The following GPR176 variants were observed in gnomAD, a reference collection of about 807,000 sequenced individuals.
The protein encoded by GPR176 is G protein-coupled receptor 176.
Under a neutral mutation model 35.4 loss-of-function variants are expected in GPR176, and 26 were observed. That is an observed-to-expected ratio of 0.74 (90% confidence interval 0.54 to 1.02). The LOEUF is 1.02. GPR176 is among the 50% of genes least tolerant of loss of function. The pLI is 0.00. For synonymous variants in GPR176, 278 were observed against 271.3 expected, an observed-to-expected ratio of 1.02 and a Z score of -0.24; for missense variants, 597 against 665.3, an observed-to-expected ratio of 0.90 and a Z score of 1.13.
intron 1 of GPR176, among the ~76,000 whole-genome samples, chr15:39,844,071 T>C (rs1263086921): frequency 6.6e-6 from 1 of 152,136 alleles, no homozygotes; most frequent in East Asian, 1.9e-4. Flanking sequence ...ATTAGTAGAA[T>C]AATATAAAAT....
chr15:39,857,695 G>A (rs1008484661), intron 1 of GPR176, among the ~76,000 whole-genome samples: 4 of 151,586 alleles, frequency 2.6e-5, no homozygotes, highest in African/African-American at 9.7e-5. Flanking sequence ...AGGGCAGGGC[G>A]CGGTGGCTTG....
At position 39,919,160 on chromosome 15, in the gene GPR176, T is replaced by A. The variant is rs74011703; in HGVS notation, c.172+695A>T. On this transcript the variant is annotated intron_variant, in intron 1 of 2. Coordinates refer to ENST00000561100, the MANE Select transcript of GPR176 (RefSeq NM_007223.3). ...ATATTTTACTAGCCACTCATTTTAA[T>A]TCGTTGATCTTTTCTTCCCTGAACA... 6.0e-3 allele frequency among the ~76,000 whole-genome samples: 916 copies of A among 152,382 alleles called. 10 individuals are homozygous for A. Among genetic ancestry groups the A allele is most frequent in the African/African-American group, 0.02 (831 of 41,588 alleles).
intron 1 of GPR176, among the ~76,000 whole-genome samples, chr15:39,912,617 C>CA (rs150704404): frequency 0.082 from 5,706 of 69,992 alleles, 272 homozygotes; most frequent in African/African-American, 0.2. Context: ...GACCCTGTCT[C>CA]AAAAAAAAAA....
chr15:39,869,152 TAA>T (rs66463189), intron 1 of GPR176, among the ~76,000 whole-genome samples: 68,870 of 130,322 alleles, frequency 0.53, 18,124 homozygotes, highest in South Asian at 0.72. Context: ...AACTGCTTTT[TAA>T]AAAAAAAAAA....
chr15:39,816,972 G>C (rs1290977306), intron 1 of GPR176, among the ~76,000 whole-genome samples: 2 of 147,918 alleles, frequency 1.4e-5, no homozygotes, highest in Non-Finnish European at 3.0e-5. Context: ...AGGAGGCAGA[G>C]GCAGTAGGAT....
chr15:39,917,262 T>G (rs981194575), intron 1 of GPR176, among the ~76,000 whole-genome samples: 54 of 150,012 alleles, frequency 3.6e-4, no homozygotes, highest in African/African-American at 1.3e-3. Flanking sequence ...CACTCCAGCC[T>G]GGGCAACAAG....
At chr15:39,913,646 G>A (rs551799362) in intron 1 of GPR176, among the ~76,000 whole-genome samples, 23 of 152,144 alleles carry the variant, frequency 1.5e-4, no homozygotes, top group Non-Finnish European at 2.8e-4. Context: ...TGCTACTACC[G>A]AAGGATACAT....
intron 1 of GPR176, among the ~76,000 whole-genome samples, chr15:39,845,157 G>C (rs924547603): frequency 5.9e-5 from 9 of 152,092 alleles, no homozygotes; most frequent in African/African-American, 2.2e-4. Context: ...GCCAGGCCCA[G>C]GTTCAGGCCC....
intron 1 of GPR176, among the ~76,000 whole-genome samples, chr15:39,877,966 C>T (rs2032315449): frequency 6.6e-6 from 1 of 152,054 alleles, no homozygotes; most frequent in Admixed American, 6.6e-5. Context: ...TCTTTCTTCC[C>T]AGCTTTACTG....
chr15:39,835,833 C>A (rs547596343), intron 1 of GPR176, among the ~76,000 whole-genome samples: 2 of 152,288 alleles, frequency 1.3e-5, no homozygotes, highest in South Asian at 4.1e-4. Context: ...GTGGCTCATG[C>A]CTGTAATCCC....
intron 1 of GPR176, among the ~76,000 whole-genome samples, chr15:39,890,929 G>T (rs1212632752): frequency 6.6e-6 from 1 of 152,202 alleles, no homozygotes; most frequent in African/African-American, 2.4e-5. Flanking sequence ...ATTTATAATT[G>T]TAGAGTTTAA....
intron 1 of GPR176, among the ~76,000 whole-genome samples, chr15:39,911,178 A>G (rs577553172): frequency 6.6e-5 from 10 of 152,302 alleles, no homozygotes; most frequent in East Asian, 3.8e-4. Flanking sequence ...TCTGCAAAAG[A>G]AAAAAAGTGA....
chr15:39,903,240 C>T (rs563022031), intron 1 of GPR176, among the ~76,000 whole-genome samples: 1 of 151,084 alleles, frequency 6.6e-6, no homozygotes, highest in East Asian at 2.0e-4. Flanking sequence ...AGTCAAGGAG[C>T]ATCTGTACTT....
rs1467468170 is a variant in GPR176 at position 39,800,998 on chromosome 15, G to C, written c.*134C>G. The stretch of plus-strand genomic sequence containing the variant: ...ATGTAGATTTCCCTATCATTCAAAA[G>C]CATCTGGCCCATATTGGAGGAATCA... On this transcript the variant is annotated 3_prime_UTR_variant, in exon 3 of 3. Coordinates refer to ENST00000561100, the MANE Select transcript of GPR176 (RefSeq NM_007223.3). 5.5e-6 allele frequency: 4 copies of C among 729,524 alleles called. 1 individual carries two copies. Among genetic ancestry groups the C allele is most frequent in the Non-Finnish European group, 9.3e-6 (4 of 430,180 alleles). 45.2% of individuals were successfully genotyped at this position (729,524 alleles called of 1,614,324 possible).
intron 1 of GPR176, among the ~76,000 whole-genome samples, chr15:39,848,004 A>G (rs1302561986): frequency 6.6e-6 from 1 of 152,076 alleles, no homozygotes; most frequent in Non-Finnish European, 1.5e-5. Flanking sequence ...GTAAAGGGGG[A>G]GGTGCTACAC....
chr15:39,896,086 G>A (rs1024324462), intron 1 of GPR176, among the ~76,000 whole-genome samples: 2 of 151,908 alleles, frequency 1.3e-5, no homozygotes, highest in African/African-American at 4.8e-5. Flanking sequence ...ACAAGATCTC[G>A]CTTTGTTGTC....
chr15:39,916,791 T>C lies in GPR176; in HGVS notation c.172+3064A>G, dbSNP rs147940979. 2.7e-4 allele frequency among the ~76,000 whole-genome samples: 41 copies of C among 152,370 alleles called. No individual in the cohort carries two copies. The East Asian group carries it at 7.7e-3, about 29-fold the overall frequency. On this transcript the variant is annotated intron_variant, in intron 1 of 2. Coordinates refer to ENST00000561100, the MANE Select transcript of GPR176 (RefSeq NM_007223.3). ...TTTACTTTTCAATCATACAGATTCCTTTTCTTTTATTCCTAATCTATGATT... is the reference window on the plus strand; with the variant it reads ...TTTACTTTTCAATCATACAGATTCCCTTTCTTTTATTCCTAATCTATGATT...
chr15:39,873,814 C>T (rs1248333782), intron 1 of GPR176, among the ~76,000 whole-genome samples: 1 of 151,860 alleles, frequency 6.6e-6, no homozygotes, highest in African/African-American at 2.4e-5. Context: ...TATTCTTGTC[C>T]CCCTTTTGGC....
intron 1 of GPR176, among the ~76,000 whole-genome samples, chr15:39,916,160 A>C (rs771016484): frequency 6.6e-6 from 1 of 152,204 alleles, no homozygotes; most frequent in Non-Finnish European, 1.5e-5. Context: ...AAAAAGAGAA[A>C]TATTAACTCT....
Sources: allele counts gnomAD v4.1 joint callset (sites outside exome capture counted in the v4.1 genomes callset), GRCh38; gene constraint gnomAD v4.1.1; transcripts MANE v1.5; gene names NCBI Gene and HGNC (gene_info 2026-07-23, HGNC 2026-07-21).